The following WDR81 variants were observed in gnomAD, a reference collection of about 807,000 sequenced individuals.
The protein encoded by WDR81 is WD repeat domain 81.
Under a neutral mutation model 140.8 loss-of-function variants are expected in WDR81, and 92 were observed. The ratio of observed to expected loss-of-function variants is 0.65; its 90% CI spans 0.55 to 0.78. The LOEUF is 0.78. Ranked by LOEUF, WDR81 falls within the 30% of genes least tolerant of loss-of-function variation. WDR81 has a pLI of 0.00. For synonymous variants in WDR81, 1,183 were observed against 1,156.4 expected, an observed-to-expected ratio of 1.02 and a Z score of -0.47; for missense variants, 2,502 against 2,636.4, an observed-to-expected ratio of 0.95 and a Z score of 1.12.
intron 9 of WDR81, 149 bp from the exon 10 acceptor site, chr17:1,737,216 G>GGT: frequency 1.5e-6 from 1 of 669,430 alleles, no homozygotes; most frequent in Non-Finnish European, 2.5e-6. Flanking sequence ...ACGTGAATAT[G>GGT]GTGTGTGTGG....
intron 1 of WDR81, among the ~76,000 whole-genome samples, 182 bp downstream of exon 1, chr17:1,728,808 C>T (rs1915482460): frequency 6.6e-6 from 1 of 152,064 alleles, no homozygotes; most frequent in Non-Finnish European, 1.5e-5. Context: ...AAAAAAATAG[C>T]CGGGCGTGGG....
At position 1,736,065 on chromosome 17, in the gene WDR81, G is replaced by C; in HGVS notation, c.5352G>C (p.Leu1784=). ...ACGAGTTCCGACTGGGCGGTGGGCT[G>C]AACCCTGGGCTTGTCCGTGCCCTGG... ...LQHEFRLGGG[L]NPGLVRALAI... The change falls in exon 9 of 10, where the codon CTG becomes CTC. Residue 1784 remains leucine, a synonymous_variant. Transcript: ENST00000409644. 1 of 1,600,480 alleles carries C rather than the reference G, an allele frequency of 6.2e-7. No individual in the cohort carries two copies. Among genetic ancestry groups the C allele is most frequent in the Non-Finnish European group, 8.5e-7 (1 of 1,179,662 alleles).
At chr17:1,722,906 G>A (rs1914951625), upstream of WDR81, among the ~76,000 whole-genome samples, 3 of 151,820 alleles carry the variant, frequency 2.0e-5, no homozygotes, top group South Asian at 2.1e-4. Flanking sequence ...AGTTGGCCGG[G>A]CTGGTCTTGA....
upstream of WDR81, among the ~76,000 whole-genome samples, chr17:1,719,931 G>A (rs984729534): frequency 2.6e-5 from 4 of 152,074 alleles, no homozygotes; most frequent in African/African-American, 9.7e-5. Flanking sequence ...CCAAGATGGC[G>A]CCACTGCACT....
At position 1,728,488 on chromosome 17, in the gene WDR81, G is replaced by A. The variant is rs775884118; in HGVS notation, c.3529G>A (p.Gly1177Arg). The change falls in exon 1 of 10, where the codon GGG (glycine) becomes AGG (arginine). Residue 1177 changes from glycine (G) to arginine (R), a missense_variant. Around this residue, in one of 3 missense-constraint regions of WDR81, gnomAD observed 1,737 missense variants for 1,843.0 expected, o/e 0.94. Transcript: ENST00000409644. ...EEEGEQEEVT[G>R]ASELTLSDTV... ...GGAGGGGGAGCAGGAGGAGGTCACC[G>A]GGGCATCTGAGCTCACTCTGTCTGA... 1.8e-5 allele frequency: 29 copies of A among 1,600,260 alleles called. No individual in the cohort carries two copies. The Middle Eastern group carries it at 5.0e-4, about 27-fold the overall frequency.
chr17:1,722,813 C>T (rs1914946129), upstream of WDR81, among the ~76,000 whole-genome samples: 2 of 152,012 alleles, frequency 1.3e-5, no homozygotes, highest in African/African-American at 4.8e-5. Flanking sequence ...CTGCCTCAGC[C>T]TCCTGAGTAG....
chr17:1,732,596 T>C, intron 5 of WDR81, 70 bp from the exon 6 acceptor site: 1 of 1,540,342 alleles, frequency 6.5e-7, no homozygotes, highest in Middle Eastern at 2.4e-4. Context: ...CCGCGGGCCG[T>C]GGCGAGGACC....
rs1309070895 is a variant in WDR81 at position 1,724,846 on chromosome 17, C to G, written c.-114C>G. On this transcript the variant is annotated 5_prime_UTR_variant, in exon 1 of 10. Coordinates refer to ENST00000409644, the MANE Select transcript of WDR81 (RefSeq NM_001163809.2). ...CCGGCTTCCTGCGGCCGCCTCCGCC[C>G]CAGCCCCTGTCCCGCGCCCATCCCA... 6.5e-6 allele frequency: 8 copies of G among 1,221,840 alleles called. No homozygotes were observed. The highest frequency in any genetic ancestry group is 8.1e-6 in the Non-Finnish European group (8 of 981,760). The allele number at this position is 1,221,840 out of a possible 1,614,324, so 75.7% of individuals were successfully genotyped here.
chr17:1,720,668 G>A (rs1914815882), upstream of WDR81, among the ~76,000 whole-genome samples: 1 of 151,910 alleles, frequency 6.6e-6, no homozygotes, highest in South Asian at 2.1e-4. Flanking sequence ...GGGAGGCTGA[G>A]GCAGGAGAAT....
chr17:1,724,734 C>T lies in WDR81; in HGVS notation c.-226C>T, dbSNP rs945018580. The T allele has an allele frequency of 7.2e-6, 8 of 1,108,190 alleles. No homozygotes were observed. Among genetic ancestry groups the T allele is most frequent in the African/African-American group, 6.6e-5 (4 of 60,490 alleles). 68.6% of individuals were successfully genotyped at this position (1,108,190 alleles called of 1,614,324 possible). On this transcript the variant is annotated 5_prime_UTR_variant, in exon 1 of 10. Coordinates refer to ENST00000409644, the MANE Select transcript of WDR81 (RefSeq NM_001163809.2). ...ACCCGTCACGGTGGAGCCCGGTGCT[C>T]GCGCCCGGCAGCCTCTGCCCCGCCG...
At chr17:1,716,862 C>T (rs1376901431) in intron 1 of WDR81, 4 of 596,712 alleles carry the variant, frequency 6.7e-6, no homozygotes, top group Non-Finnish European at 8.8e-6. Flanking sequence ...TTGGAGAGCT[C>T]TCCAGGGTTT....
rs373264779 is a variant in WDR81, at chr17:1,725,027, C to T, written c.68C>T (p.Pro23Leu). 4 of 1,469,136 alleles carry T rather than the reference C, an allele frequency of 2.7e-6. No homozygotes were observed. Among genetic ancestry groups the T allele is most frequent in the Non-Finnish European group, 2.7e-6 (3 of 1,113,328 alleles). 91.0% of individuals were successfully genotyped at this position (1,469,136 alleles called of 1,614,324 possible). The change falls in exon 1 of 10, where the codon CCA (proline) becomes CTA (leucine). Residue 23 changes from proline (P) to leucine (L), a missense_variant. Around this residue, in one of 3 missense-constraint regions of WDR81, gnomAD observed 547 missense variants for 513.8 expected, o/e 1.06. Transcript: ENST00000409644. ...RTPAGGWHSP[P>L]SPDMQELLRS... is the part of the protein sequence containing the mutation. ...CCGGCCGGGGGCTGGCATTCCCCGC[C>T]AAGCCCAGACATGCAGGAGCTGCTC...
intron 6 of WDR81, chr17:1,733,090 C>T (rs765951734): frequency 2.4e-4 from 122 of 500,390 alleles, no homozygotes; most frequent in Non-Finnish European, 3.7e-4. Flanking sequence ...GGTGGACTGG[C>T]GGTCCGCAGG....
chr17:1,723,524 T>C (rs1027443197), upstream of WDR81, among the ~76,000 whole-genome samples: 1 of 151,000 alleles, frequency 6.6e-6, no homozygotes, highest in Non-Finnish European at 1.5e-5. Context: ...CTCGCTCTGT[T>C]GCCCAGGTTG....
intron 1 of WDR81, chr17:1,716,850 C>T: frequency 3.3e-6 from 2 of 606,592 alleles, no homozygotes; most frequent in Non-Finnish European, 5.8e-6. Flanking sequence ...CAGAGACTGC[C>T]GTTGGAGAGC....
intron 4 of WDR81, among the ~76,000 whole-genome samples, chr17:1,731,796 G>A (rs1165483784): frequency 1.3e-5 from 2 of 151,380 alleles, no homozygotes; most frequent in Non-Finnish European, 2.9e-5. Flanking sequence ...CCAGGTTCTC[G>A]GGAGGCTGCA....
chr17:1,719,123 C>T (rs1481144011), intron 1 of WDR81, among the ~76,000 whole-genome samples: 1 of 152,196 alleles, frequency 6.6e-6, no homozygotes, highest in Non-Finnish European at 1.5e-5. Context: ...GTGTTAGGCA[C>T]ACTTAGATTC....
rs1168319182 is a variant in WDR81, at chr17:1,737,664, G to T, written c.5805G>T (p.Gly1935=). The T allele has an allele frequency of 5.6e-6, 9 of 1,610,924 alleles. No homozygotes were observed. Among genetic ancestry groups the T allele is most frequent in the Admixed American group, 3.3e-5 (2 of 59,976 alleles). Residue 1935 remains glycine (G), a synonymous_variant, in exon 10 of 10, where the codon GGG becomes GGT. Transcript: ENST00000409644. ...KRHLLLGSDN[G]VIRLLA ...ACCTCCTGCTGGGCTCAGACAACGG[G>T]GTTATCCGCCTCCTGGCATAGACTG...
Position 1,737,599 on chromosome 17 carries a change from G to T in WDR81, c.5740G>T (p.Gly1914Cys). ...GAAGCTCAGCTCTGAGAACTTCCGCGGCACGCTCACCAGCCTGGCCTTGCT... is the reference window on the plus strand; with the variant it reads ...GAAGCTCAGCTCTGAGAACTTCCGCTGCACGCTCACCAGCCTGGCCTTGCT... ...TTKLSSENFR[G>C]TLTSLALLPT... Residue 1914 changes from glycine to cysteine, a missense_variant, in exon 10 of 10, where the codon GGC (glycine) becomes TGC (cysteine). Transcript: ENST00000409644. 3 of 1,612,746 alleles carry T rather than the reference G, an allele frequency of 1.9e-6. No individual in the cohort carries two copies. Among genetic ancestry groups the T allele is most frequent in the Non-Finnish European group, 2.5e-6 (3 of 1,179,986 alleles).
Sources: allele counts gnomAD v4.1 joint callset (sites outside exome capture counted in the v4.1 genomes callset), GRCh38; gene constraint gnomAD v4.1.1; regional missense constraint gnomAD v4.1.1; transcripts MANE v1.5; gene names NCBI Gene and HGNC (gene_info 2026-07-23, HGNC 2026-07-21).